The following DKK4 variants were observed in gnomAD, a reference collection of about 807,000 sequenced individuals.
DKK4 encodes dickkopf Wnt signaling pathway inhibitor 4, also known as dickkopf-related protein 4.
Under a neutral mutation model 14.5 loss-of-function variants are expected in DKK4, and 15 were observed. The ratio of observed to expected loss-of-function variants is 1.03; its 90% confidence interval spans 0.69 to 1.59. DKK4 has a LOEUF of 1.59. DKK4 is among the 40% of genes most tolerant of loss of function. The pLI is 0.00. For missense variants in DKK4, 272 were observed against 280.3 expected (o/e 0.97, Z 0.21); for synonymous variants, 89 against 105.2 (o/e 0.85, Z 0.94).
intron 2 of DKK4, among the ~76,000 whole-genome samples, 168 bp from the exon 3 acceptor site, chr8:42,375,081 C>T (rs773154558): frequency 6.6e-5 from 10 of 152,124 alleles, no homozygotes; most frequent in Admixed American, 3.3e-4. Flanking sequence ...TCGCATGTGG[C>T]AGAGAAAGTA....
intron 2 of DKK4, among the ~76,000 whole-genome samples, chr8:42,375,212 G>A (rs892457687): frequency 6.6e-6 from 1 of 152,158 alleles, no homozygotes; most frequent in Non-Finnish European, 1.5e-5. Context: ...TCATTGGCAA[G>A]AGCTGTTGCC....
In DKK4 at chr8:42,374,235, C is replaced by T. The variant is rs372587994; in HGVS notation, c.540G>A (p.Gly180=). 3 of 1,611,872 alleles carry T rather than the reference C, an allele frequency of 1.9e-6. No homozygotes were observed. The highest frequency in any genetic ancestry group is 2.2e-5 in the East Asian group (1 of 44,784). Residue 180 remains glycine, a synonymous_variant, in exon 4 of 4, where the codon GGG becomes GGA. Coordinates refer to ENST00000220812, the MANE Select transcript of DKK4 (RefSeq NM_014420.3). Reference sequence around the variant, plus strand: ...CTGGAGCTTGAGCAGTGTCTTTATGCCCTCTTCTGGAGCAGACCTGTCCCT... The same window carrying T: ...CTGGAGCTTGAGCAGTGTCTTTATGTCCTCTTCTGGAGCAGACCTGTCCCT... ...LLEGQVCSRR[G]HKDTAQAPEI... is the part of the protein sequence containing the mutation.
chr8:42,382,959 ATTAT>A, the DKK4 span, among the ~76,000 whole-genome samples: 1 of 152,088 alleles, frequency 6.6e-6, no homozygotes, highest in African/African-American at 2.4e-5. Context: ...GTCAGAACCG[ATTAT>A]TTATACTCAC....
At chr8:42,375,214 G>A (rs542966483) in intron 2 of DKK4, among the ~76,000 whole-genome samples, 1 of 152,318 alleles carries the variant, frequency 6.6e-6, no homozygotes, top group South Asian at 2.1e-4. Context: ...ATTGGCAAGA[G>A]CTGTTGCCAG....
the DKK4 span, among the ~76,000 whole-genome samples, chr8:42,385,360 C>T: frequency 5.5e-4 from 84 of 152,122 alleles, no homozygotes; most frequent in Admixed American, 1.8e-3. Context: ...CTGCTGCACT[C>T]CAGCCTGGGC....
rs1355021457 is a variant in DKK4, at chr8:42,374,910, A to G, written c.266T>C (p.Val89Ala). 1 of 1,614,022 alleles carries G rather than the reference A, an allele frequency of 6.2e-7. No homozygotes were observed. The highest frequency in any genetic ancestry group is 8.5e-7 in the Non-Finnish European group (1 of 1,180,024). Residue 89 changes from valine to alanine, a missense_variant, in exon 3 of 4, where the codon GTT becomes GCT. By Grantham distance (64) the Val-to-Ala change is moderately conservative. Coordinates refer to ENST00000220812, the MANE Select transcript of DKK4 (RefSeq NM_014420.3). ...CCPGTLCVND[V>A]CTTMEDATPI... ...GGTTGCATCTTCCATCGTAGTACAA[A>G]CATCTGAGGGACAACCAGGTGTAAC...
upstream of DKK4, chr8:42,377,294 C>T: frequency 4.2e-6 from 2 of 479,750 alleles, no homozygotes. Flanking sequence ...CCGTTCCTTC[C>T]TCCTGCCCCA....
chr8:42,380,512 G>T (rs1436560910), upstream of DKK4, among the ~76,000 whole-genome samples: 1 of 134,692 alleles, frequency 7.4e-6, no homozygotes, highest in East Asian at 2.2e-4. Context: ...AGGAAGAAAA[G>T]AAAAGAAAAA....
upstream of DKK4, among the ~76,000 whole-genome samples, chr8:42,379,393 A>T (rs959400536): frequency 5.4e-4 from 51 of 94,958 alleles, 2 homozygotes; most frequent in Non-Finnish European, 9.1e-4. Context: ...AGAGAGAGAG[A>T]GAGAGAGAGA....
At chr8:42,378,978 C>T (rs1452746557), upstream of DKK4, among the ~76,000 whole-genome samples, 2 of 147,506 alleles carry the variant, frequency 1.4e-5, no homozygotes, top group African/African-American at 2.5e-5. Context: ...AGGCCGCGTG[C>T]GGTGGCTGAC....
rs747561014 is a variant in DKK4, at chr8:42,374,280, A to G, written c.495T>C (p.Ile165=). 3.1e-6 allele frequency: 5 copies of G among 1,611,816 alleles called. No individual in the cohort carries two copies. The highest frequency in any genetic ancestry group is 3.3e-5 in the Admixed American group (2 of 59,820). The change falls in exon 4 of 4, where the codon ATT becomes ATC. Residue 165 remains isoleucine, a synonymous_variant. Coordinates refer to ENST00000220812, the MANE Select transcript of DKK4 (RefSeq NM_014420.3). The part of the protein sequence containing the change: ...LCCARHFWTK[I]CKPVLLEGQV... ...GTCCCTCCAAAAGGACTGGCTTACA[A>G]ATTTTCGTCCAAAAATGACGAGCAC...
Position 42,374,273 on chromosome 8 carries a change from G to A in DKK4, c.502C>T (p.Pro168Ser), listed in dbSNP as rs115616321. Reference sequence around the variant, plus strand: ...CAGACCTGTCCCTCCAAAAGGACTGGCTTACAAATTTTCGTCCAAAAATGA... The same window carrying A: ...CAGACCTGTCCCTCCAAAAGGACTGACTTACAAATTTTCGTCCAAAAATGA... The part of the protein sequence containing the change: ...ARHFWTKICK[P>S]VLLEGQVCSR... Residue 168 changes from proline (P) to serine (S), a missense_variant, in exon 4 of 4, where the codon CCA becomes TCA. Transcript: ENST00000220812. 2 of 1,611,832 alleles carry A rather than the reference G, an allele frequency of 1.2e-6. No homozygotes were observed. Among genetic ancestry groups the A allele is most frequent in the South Asian group, 1.1e-5 (1 of 90,802 alleles).
chr8:42,380,702 G>A (rs1824660641), upstream of DKK4, among the ~76,000 whole-genome samples: 1 of 146,386 alleles, frequency 6.8e-6, no homozygotes, highest in East Asian at 2.0e-4. Flanking sequence ...AAAGAAAAAA[G>A]GGAGGGAGGA....
rs1179403371 is a variant in DKK4, at chr8:42,375,927, A to T, written c.112-97T>A. 3 of 1,467,640 alleles carry T rather than the reference A, an allele frequency of 2.0e-6. No individual in the cohort carries two copies. The Admixed American group carries it at 6.1e-5, about 30-fold the overall frequency. 90.9% of individuals were successfully genotyped at this position (1,467,640 alleles called of 1,614,324 possible). On this transcript the variant is annotated intron_variant, in intron 1 of 3. Coordinates refer to ENST00000220812, the MANE Select transcript of DKK4 (RefSeq NM_014420.3). ...CAGGAGGCGGAGGGAGCCAAAGGAC[A>T]GTGGCGCTGTGACAAACCCTGGGCA...
the DKK4 span, among the ~76,000 whole-genome samples, chr8:42,383,484 C>T: frequency 2.6e-5 from 4 of 152,246 alleles, no homozygotes; most frequent in South Asian, 6.2e-4. Context: ...ACGTGGCCCA[C>T]GCCTTTGGAG....
intron 3 of DKK4, 55 bp from the exon 4 acceptor site, chr8:42,374,414 G>T: frequency 6.2e-7 from 1 of 1,604,924 alleles, no homozygotes; most frequent in Middle Eastern, 1.7e-4. Flanking sequence ...GGCCTGCTGG[G>T]GGTTTGCTAC....
chr8:42,387,117 C>A, the DKK4 span, among the ~76,000 whole-genome samples: 1 of 152,260 alleles, frequency 6.6e-6, no homozygotes, highest in East Asian at 1.9e-4. Flanking sequence ...ACACGAAAGA[C>A]GCTTAGCAAA....
At chr8:42,380,813 AAGG>A (rs1439601783), upstream of DKK4, among the ~76,000 whole-genome samples, 402 of 93,046 alleles carry the variant, frequency 4.3e-3, 6 homozygotes, top group African/African-American at 0.06. Context: ...AAAAGGAAGG[AAGG>A]AAGGAAGGAA....
chr8:42,380,710 G>A (rs1402226060), upstream of DKK4, among the ~76,000 whole-genome samples: 1 of 145,812 alleles, frequency 6.9e-6, no homozygotes, highest in Non-Finnish European at 1.5e-5. Context: ...AAGGGAGGGA[G>A]GAAGGGAGGA....
Sources: allele counts gnomAD v4.1 joint callset (sites outside exome capture counted in the v4.1 genomes callset), GRCh38; gene constraint gnomAD v4.1.1; transcripts MANE v1.5; gene names NCBI Gene and HGNC (gene_info 2026-07-23, HGNC 2026-07-21).